Variants in NPAS3 observed in about 807,000 individuals in gnomAD.
NPAS3 encodes neuronal PAS domain-containing protein 3.
Under a neutral mutation model 73.1 loss-of-function variants are expected in NPAS3, and 14 were observed. That is an observed-to-expected ratio of 0.19 (90% CI 0.13 to 0.30). The LOEUF (loss-of-function observed/expected upper bound fraction) is 0.30, where lower values mean the gene tolerates loss of function less well. Ranked by LOEUF, NPAS3 falls within the 10% of genes least tolerant of loss-of-function variation. The probability of loss-of-function intolerance (pLI) is 1.00; values close to 1 mark genes in which losing one functional copy is unlikely to be tolerated. For synonymous variants in NPAS3, 620 were observed against 541.5 expected, an observed-to-expected ratio of 1.14 and a Z score of -2.01; for missense variants, 1,096 against 1,250.0, an observed-to-expected ratio of 0.88 and a Z score of 1.86.
In NPAS3 at chr14:33,198,773, G is replaced by A. The variant is rs560514142; in HGVS notation, c.141-16409G>A. On this transcript the variant is annotated intron_variant, in intron 2 of 11. Transcript: ENST00000356141. ...AGCCCTTGGGTGGTAGATGGGACCG[G>A]ACGCCATGGAGCAGGGGCAGTGCCT... is the stretch of plus-strand genomic sequence containing the variant. 1.6e-3 allele frequency among the ~76,000 whole-genome samples: 249 copies of A among 152,334 alleles called. 2 individuals carry two copies. The highest frequency in any genetic ancestry group is 0.014 in the Admixed American group (218 of 15,310).
rs994064286 is a variant in NPAS3, at chr14:33,795,260, C to CT, written c.1301+1224dup. Among the ~76,000 whole-genome samples the CT allele has an allele frequency of 1.3e-3, 205 of 151,966 alleles. 6 individuals carry two copies. Among genetic ancestry groups the CT allele is most frequent in the East Asian group, 0.011 (58 of 5,158 alleles). ...TCTTCATTTATCTACTTTCTATTTC[C>CT]TTTTTTTTGACCTCTTCTGCTCTAC... On this transcript the variant is annotated intron_variant, in intron 10 of 11. Coordinates refer to ENST00000356141, the Ensembl canonical transcript of NPAS3.
At chr14:33,623,449 C>T (rs563835378) in intron 5 of NPAS3, among the ~76,000 whole-genome samples, 39 of 152,226 alleles carry the variant, frequency 2.6e-4, no homozygotes, top group Non-Finnish European at 4.1e-4. Flanking sequence ...CACAATACAT[C>T]CAGAGTCTCA....
rs138321751 is a variant in NPAS3, at chr14:33,513,480, C to T, written c.469-46641C>T. ...AATTGTCACAGCCAGCCTTTGAGTA[C>T]AGTAGGTATTGGTTCCATAATTATA... On this transcript the variant is annotated intron_variant, in intron 4 of 11. Transcript: ENST00000356141. Among the ~76,000 whole-genome samples the T allele has an allele frequency of 2.1e-4, 32 of 152,102 alleles. No homozygotes were observed. The East Asian group carries it at 5.6e-3, about 27-fold the overall frequency.
chr14:33,384,684 C>T (rs1359415727), intron 4 of NPAS3, among the ~76,000 whole-genome samples: 2 of 152,162 alleles, frequency 1.3e-5, no homozygotes, highest in African/African-American at 2.4e-5. Flanking sequence ...GGGCCGAGAT[C>T]GCTCTATCCC....
chr14:33,568,915 T>C (rs1202987144), intron 5 of NPAS3, among the ~76,000 whole-genome samples: 1 of 152,190 alleles, frequency 6.6e-6, no homozygotes, highest in Non-Finnish European at 1.5e-5. Context: ...AGATATAATC[T>C]CTTTTTCTTA....
intron 6 of NPAS3, among the ~76,000 whole-genome samples, chr14:33,707,652 A>C (rs887498348): frequency 3.9e-5 from 6 of 152,206 alleles, no homozygotes; most frequent in Non-Finnish European, 8.8e-5. Context: ...TTCCTGCCCA[A>C]GTGGAGCTAA....
chr14:33,784,729 A>ATTTTTTTTTTTTTTTTTTTTTTTTTT (rs1342325354), intron 9 of NPAS3, among the ~76,000 whole-genome samples: 1 of 90,206 alleles, frequency 1.1e-5, no homozygotes, highest in African/African-American at 5.6e-5. Flanking sequence ...ATTTTTATTT[A>ATTTTTTTTTTTTTTTTTTTTTTTTTT]TTTATTTATT....
chr14:33,506,831 A>G (rs1354798463), intron 4 of NPAS3, among the ~76,000 whole-genome samples: 1 of 152,032 alleles, frequency 6.6e-6, no homozygotes, highest in Non-Finnish European at 1.5e-5. Context: ...CACTTGAAGT[A>G]GGAATTTGTA....
intron 1 of NPAS3, among the ~76,000 whole-genome samples, chr14:33,019,613 T>G (rs899539824): frequency 6.6e-6 from 1 of 152,244 alleles, no homozygotes; most frequent in Non-Finnish European, 1.5e-5. Context: ...AATGATTGAT[T>G]TGCTGTGTGC....
intron 1 of NPAS3, among the ~76,000 whole-genome samples, chr14:32,999,906 A>G (rs1295169936): frequency 2.0e-5 from 3 of 152,254 alleles, no homozygotes; most frequent in African/African-American, 7.2e-5. Flanking sequence ...AAAAAGATTC[A>G]GTCCTTGTCT....
chr14:33,412,354 A>T (rs1234628623), intron 4 of NPAS3, among the ~76,000 whole-genome samples: 2 of 152,128 alleles, frequency 1.3e-5, no homozygotes, highest in African/African-American at 4.8e-5. Flanking sequence ...TCTGGAGCTC[A>T]AGTTACCTGC....
At chr14:33,388,817 T>C (rs2138569448) in intron 4 of NPAS3, among the ~76,000 whole-genome samples, 1 of 152,274 alleles carries the variant, frequency 6.6e-6, no homozygotes, top group African/African-American at 2.4e-5. Context: ...TTCATGGCAG[T>C]GGTTAAGAGA....
intron 4 of NPAS3, among the ~76,000 whole-genome samples, chr14:33,438,161 C>T (rs966028321): frequency 6.6e-6 from 1 of 152,038 alleles, no homozygotes; most frequent in African/African-American, 2.4e-5. Context: ...TTTCTTGATG[C>T]TTACTGAGCA....
At chr14:33,433,084 A>T (rs2048846808) in intron 4 of NPAS3, among the ~76,000 whole-genome samples, 1 of 152,144 alleles carries the variant, frequency 6.6e-6, no homozygotes, top group Non-Finnish European at 1.5e-5. Context: ...AGTTGTGAGG[A>T]TGTATGGTTA....
At chr14:33,790,751 C>T (rs71419956) in intron 9 of NPAS3, among the ~76,000 whole-genome samples, 4 of 152,196 alleles carry the variant, frequency 2.6e-5, no homozygotes, top group African/African-American at 7.2e-5. Flanking sequence ...TCACCGCAAC[C>T]TCCGCCTCCC....
intron 6 of NPAS3, among the ~76,000 whole-genome samples, chr14:33,678,510 C>A (rs2059834150): frequency 6.6e-6 from 1 of 152,150 alleles, no homozygotes; most frequent in Non-Finnish European, 1.5e-5. Context: ...AGTCATCCTG[C>A]CCTGGCTGTG....
chr14:33,196,657 A>G (rs1308453674), intron 2 of NPAS3, among the ~76,000 whole-genome samples: 1 of 152,238 alleles, frequency 6.6e-6, no homozygotes, highest in African/African-American at 2.4e-5. Flanking sequence ...GACATAGAAT[A>G]AAGAGACATT....
At chr14:33,507,593 A>T (rs531208701) in intron 4 of NPAS3, among the ~76,000 whole-genome samples, 7 of 151,948 alleles carry the variant, frequency 4.6e-5, no homozygotes, top group African/African-American at 1.4e-4. Context: ...GAAAATTTTC[A>T]TTTTCAAATG....
intron 6 of NPAS3, among the ~76,000 whole-genome samples, chr14:33,677,322 T>C (rs1198345169): frequency 6.6e-6 from 1 of 152,152 alleles, no homozygotes; most frequent in African/African-American, 2.4e-5. Context: ...CAAGCAGCAG[T>C]GGTTTAAATG....
Sources: allele counts gnomAD v4.1 joint callset (sites outside exome capture counted in the v4.1 genomes callset), GRCh38; gene constraint gnomAD v4.1.1; transcripts MANE v1.5; gene names NCBI Gene and HGNC (gene_info 2026-07-23, HGNC 2026-07-21).